The following PFKFB3 variants were observed in gnomAD, a reference collection of about 807,000 sequenced individuals.
PFKFB3 encodes the protein 6-phosphofructo-2-kinase/fructose-2,6-biphosphatase 3, also known as 6-phosphofructo-2-kinase/fructose-2,6-bisphosphatase 3.
Under a neutral mutation model 68.0 loss-of-function variants are expected in PFKFB3, and 33 were observed. The observed-to-expected ratio is 0.49, with a 90% CI of 0.37 to 0.65. The LOEUF (loss-of-function observed/expected upper bound fraction) is 0.65. Ranked by LOEUF, PFKFB3 falls within the 30% of genes least tolerant of loss-of-function variation. The pLI is 0.00. For missense variants in PFKFB3, 586 were observed against 712.2 expected, an observed-to-expected ratio of 0.82 and a Z score of 2.02; for synonymous variants, 315 against 288.2, an observed-to-expected ratio of 1.09 and a Z score of -0.94.
At chr10:6,259,950 C>G in the PFKFB3 span, among the ~76,000 whole-genome samples, 11 of 152,060 alleles carry the variant, frequency 7.2e-5, no homozygotes, top group Non-Finnish European at 1.6e-4. Flanking sequence ...TTCTGTACAC[C>G]CTGGCTCATT....
In PFKFB3 at chr10:6,252,133, G is replaced by C. The variant is rs144847811; in HGVS notation, c.1516-2045G>C. Among the ~76,000 whole-genome samples the C allele has an allele frequency of 2.9e-3, 438 of 152,276 alleles. 2 individuals are homozygous for C. The highest frequency in any genetic ancestry group is 1.0e-2 in the African/African-American group (415 of 41,558). ...AAGAACCCACTGTTCCTACGGAGTG[G>C]CTAATACAGAAGTAAAACTCTTTGG... On this transcript the variant is annotated intron_variant, in intron 14 of 14. Transcript: ENST00000640683.
the PFKFB3 span, among the ~76,000 whole-genome samples, chr10:6,280,446 A>G: frequency 6.6e-6 from 1 of 152,136 alleles, no homozygotes; most frequent in Admixed American, 6.6e-5. Context: ...AGGAAGTAGG[A>G]CGGGCCAGTG....
At position 6,215,461 on chromosome 10, in the gene PFKFB3, A is replaced by G; in HGVS notation, c.299+144A>G. The G allele has an allele frequency of 7.5e-6, 5 of 663,730 alleles. No individual in the cohort carries two copies. The highest frequency in any genetic ancestry group is 3.5e-5 in the South Asian group (2 of 56,996). 41.1% of individuals were successfully genotyped at this position (663,730 alleles called of 1,614,324 possible). On this transcript the variant is annotated intron_variant, in intron 3 of 14. Transcript: ENST00000379775. The surrounding 1 kb of genome is among the most constrained non-coding windows in gnomAD (Gnocchi z 4.3). ...GGCTGGGCTGCGGGGCTGCGGGTGT[A>G]AGGCTGGGCTGCGGGCTTGGGCTTG... is the stretch of plus-strand genomic sequence containing the variant.
In PFKFB3 at chr10:6,222,761, G is replaced by A. The variant is rs544263986; in HGVS notation, c.1084-94G>A. On this transcript the variant is annotated intron_variant, in intron 10 of 14. Transcript: ENST00000379775. ...GCTGATGATGGATGATTGATTTTGC[G>A]TGGCTCTCTGGCCGGTCTGATGCAG... 8.1e-6 allele frequency: 11 copies of A among 1,352,722 alleles called. 1 individual carries two copies. The highest frequency in any genetic ancestry group is 2.1e-4 in the Middle Eastern group (1 of 4,824). The allele number at this position is 1,352,722 out of a possible 1,614,324, so 83.8% of individuals were successfully genotyped here. A position where few individuals can be genotyped will look rare whatever the true frequency, so the allele number is the denominator to read the frequency against.
rs566178764 is a variant in PFKFB3, at chr10:6,242,656, C to T, written c.1516-11522C>T. On this transcript the variant is annotated intron_variant, in intron 14 of 14. Coordinates refer to the PFKFB3 transcript ENST00000640683. Reference sequence around the variant, plus strand: ...AGGCTGGAGTGCAATGGTGTGGTCTCAGCTCACTGCAACCTCCACCTCCTG... The same window carrying T: ...AGGCTGGAGTGCAATGGTGTGGTCTTAGCTCACTGCAACCTCCACCTCCTG... Among the ~76,000 whole-genome samples, 4 of 151,182 alleles carry T rather than the reference C, an allele frequency of 2.6e-5. No homozygotes were observed. In the Admixed American group the frequency reaches 2.7e-4, roughly 10 times the overall value.
chr10:6,242,955 C>T (rs1201206194), intron 14 of PFKFB3, among the ~76,000 whole-genome samples: 1 of 152,202 alleles, frequency 6.6e-6, no homozygotes, highest in Non-Finnish European at 1.5e-5. Flanking sequence ...AGGGGCTTGT[C>T]TTAGTTTTTC....
At chr10:6,287,129 C>T in the PFKFB3 span, among the ~76,000 whole-genome samples, 6 of 152,122 alleles carry the variant, frequency 3.9e-5, no homozygotes, top group African/African-American at 1.2e-4. Context: ...CTCTGTCACC[C>T]AGGCCACAGT....
At chr10:6,292,311 G>A in the PFKFB3 span, among the ~76,000 whole-genome samples, 25 of 106,402 alleles carry the variant, frequency 2.3e-4, no homozygotes, top group Admixed American at 2.3e-3. Context: ...TTGAGACAGA[G>A]TCTCACTCTG....
At position 6,221,455 on chromosome 10, in the gene PFKFB3, G is replaced by A; in HGVS notation, c.906G>A (p.Lys302=). 1 of 1,613,892 alleles carries A rather than the reference G, an allele frequency of 6.2e-7. No homozygotes were observed. The highest frequency in any genetic ancestry group is 8.5e-7 in the Non-Finnish European group (1 of 1,180,016). The change falls in exon 9 of 15, where the codon AAG becomes AAA. Residue 302 remains lysine, a synonymous_variant. Transcript: ENST00000379775. ...TGCGCGTGTGGACCAGCCAGCTGAA[G>A]AGCACCATCCAGACGGCCGAGGCGC... The part of the protein sequence containing the change: ...KDLRVWTSQL[K]STIQTAEALR...
chr10:6,172,178 G>A (rs1842335396), intron 1 of PFKFB3, among the ~76,000 whole-genome samples: 1 of 152,236 alleles, frequency 6.6e-6, no homozygotes, highest in African/African-American at 2.4e-5. Context: ...ATGCGGCTGT[G>A]CTTCTTGGTA....
intron 14 of PFKFB3, among the ~76,000 whole-genome samples, chr10:6,241,559 G>A (rs767347955): frequency 3.9e-5 from 6 of 152,222 alleles, no homozygotes; most frequent in Non-Finnish European, 7.4e-5. Flanking sequence ...AGGCCAGGTC[G>A]CATGGCTCAT....
chr10:6,249,114 C>A (rs1434980088), intron 14 of PFKFB3, among the ~76,000 whole-genome samples: 1 of 137,834 alleles, frequency 7.3e-6, no homozygotes, highest in Non-Finnish European at 1.5e-5. Context: ...GTGGAAGTTG[C>A]GGTGAGCTGA....
At chr10:6,189,737 A>C (rs1001378364) in intron 1 of PFKFB3, among the ~76,000 whole-genome samples, 1 of 151,138 alleles carries the variant, frequency 6.6e-6, no homozygotes, top group African/African-American at 2.4e-5. Flanking sequence ...CTGGTCTCGA[A>C]CTCCTGACCT....
chr10:6,312,913 T>C, the PFKFB3 span, among the ~76,000 whole-genome samples: 2 of 85,288 alleles, frequency 2.3e-5, no homozygotes, highest in Non-Finnish European at 5.1e-5. Context: ...GCAATGATTA[T>C]CAGTGACTGG....
intron 1 of PFKFB3, among the ~76,000 whole-genome samples, chr10:6,177,431 T>TTC (rs1166118918): frequency 4.0e-3 from 163 of 40,694 alleles, no homozygotes; most frequent in South Asian, 0.01. Flanking sequence ...CTTCCTTTCT[T>TTC]TTCTTTCTCT....
intron 14 of PFKFB3, among the ~76,000 whole-genome samples, chr10:6,242,022 T>A (rs1441261076): frequency 6.6e-6 from 1 of 152,044 alleles, no homozygotes; most frequent in Non-Finnish European, 1.5e-5. Context: ...AATTTTTAAA[T>A]TTTTTGTGGA....
chr10:6,314,089 G>A, the PFKFB3 span, among the ~76,000 whole-genome samples: 4 of 152,216 alleles, frequency 2.6e-5, no homozygotes, highest in Admixed American at 2.6e-4. Context: ...GAGAAGTAAA[G>A]CTTAGGATGA....
At chr10:6,225,589 GCTGTCC>G (rs938017284) in intron 13 of PFKFB3, among the ~76,000 whole-genome samples, 2 of 152,226 alleles carry the variant, frequency 1.3e-5, no homozygotes, top group African/African-American at 2.4e-5. Context: ...ACCCCATCAC[GCTGTCC>G]CTCTCATGGG....
In PFKFB3 at chr10:6,157,250, G is replaced by A. The variant is rs144415628; in HGVS notation, c.16+12237G>A. On this transcript the variant is annotated intron_variant, in intron 1 of 14. Coordinates refer to the PFKFB3 transcript ENST00000379789. ...TGTGTCTTCTTTTTTTTTTTGAGAC[G>A]GAGTCTCGCTCTGTTGCCCAGGCTG... Among the ~76,000 whole-genome samples the A allele has an allele frequency of 9.5e-3, 1,423 of 149,080 alleles. 50 individuals are homozygous for A. Among genetic ancestry groups the A allele is most frequent in the East Asian group, 0.066 (329 of 5,002 alleles).
Sources: gnomAD v4.1 joint callset for allele counts (sites outside exome capture counted in the v4.1 genomes callset) on GRCh38, gnomAD v4.1.1 for gene constraint, Gnocchi (gnomAD v3.1) non-coding constraint, MANE v1.5 for transcripts, NCBI Gene and HGNC (gene_info 2026-07-23, HGNC 2026-07-21) for gene names.